The following SLC22A9 variants were observed in gnomAD, a reference collection of about 807,000 sequenced individuals.
The protein encoded by SLC22A9 is organic anion transporter 7.
A neutral mutation model predicts 50.1 loss-of-function variants in SLC22A9; 64 were observed. The observed-to-expected ratio is 1.28, with a 90% CI of 1.04 to 1.57. The LOEUF (loss-of-function observed/expected upper bound fraction) is 1.57. Ranked by LOEUF, SLC22A9 falls within the 40% of genes most tolerant of loss-of-function variation. The pLI is 0.00. For missense variants in SLC22A9, 757 were observed against 676.1 expected (o/e 1.12, Z -1.33); for synonymous variants, 261 against 242.5 (o/e 1.08, Z -0.71).
intron 2 of SLC22A9, among the ~76,000 whole-genome samples, chr11:63,371,904 C>T (rs1199882709): frequency 6.6e-6 from 1 of 152,126 alleles, no homozygotes; most frequent in Non-Finnish European, 1.5e-5. Context: ...ACCATGTCTC[C>T]CCTGATGGCG....
At position 63,382,221 on chromosome 11, in the gene SLC22A9, T is replaced by C. The variant is rs756641350; in HGVS notation, c.1017T>C (p.Cys339=). ...CACAAAAAAAAAAACCTTCTCTGTGTGAAATGCTCCACATGCCCAACATAT... is the reference window on the plus strand; with the variant it reads ...CACAAAAAAAAAAACCTTCTCTGTGCGAAATGCTCCACATGCCCAACATAT... The part of the protein sequence containing the change: ...EAAQKKKPSL[C]EMLHMPNICK... Residue 339 remains cysteine, a synonymous_variant, in exon 6 of 10, where the codon TGT becomes TGC. Transcript: ENST00000279178. 1.2e-6 allele frequency: 2 copies of C among 1,608,644 alleles called. No individual in the cohort carries two copies. The highest frequency in any genetic ancestry group is 1.7e-6 in the Non-Finnish European group (2 of 1,178,460).
intron 6 of SLC22A9, among the ~76,000 whole-genome samples, chr11:63,395,120 C>T (rs889321813): frequency 3.3e-5 from 5 of 151,840 alleles, no homozygotes; most frequent in African/African-American, 1.2e-4. Context: ...CTATCTATTT[C>T]CTTGAATATT....
At chr11:63,371,555 C>T (rs1380195670) in intron 2 of SLC22A9, among the ~76,000 whole-genome samples, 1 of 152,168 alleles carries the variant, frequency 6.6e-6, no homozygotes, top group African/African-American at 2.4e-5. Context: ...CGTTTCATCA[C>T]ATAGGATTCA....
In SLC22A9 at chr11:63,408,154, G is replaced by A. The variant is rs1195752302; in HGVS notation, c.1331G>A (p.Gly444Glu). 4 of 1,613,700 alleles carry A rather than the reference G, an allele frequency of 2.5e-6. No individual in the cohort carries two copies. The Admixed American group carries it at 5.0e-5, about 20-fold the overall frequency. ...GAGGTTTTGGCAACACTGGGCTTAG[G>A]AGCGTCTGCTCTTGCCAATACCCTT... ...LREVLATLGL[G>E]ASALANTLAF... is the part of the protein sequence containing the mutation. Residue 444 changes from glycine (G) to glutamate (E), a missense_variant, in exon 8 of 10, where the codon GGA becomes GAA. Coordinates refer to ENST00000279178, the MANE Select transcript of SLC22A9 (RefSeq NM_080866.3).
chr11:63,386,018 T>C (rs932994246), intron 6 of SLC22A9, among the ~76,000 whole-genome samples: 3 of 152,244 alleles, frequency 2.0e-5, no homozygotes, highest in African/African-American at 7.2e-5. Context: ...TTGAATTTTA[T>C]TGAAGGCCTT....
chr11:63,405,953 G>A lies in SLC22A9; in HGVS notation c.1074-544G>A, dbSNP rs143678905. On this transcript the variant is annotated intron_variant, in intron 6 of 9. Coordinates refer to ENST00000279178, the MANE Select transcript of SLC22A9 (RefSeq NM_080866.3). ...CATCATCGTCTTACCATCATTTTAC[G>A]ATAATTTAAAAATCAACATATTGTG... Among the ~76,000 whole-genome samples, 702 of 152,118 alleles carry A rather than the reference G, an allele frequency of 4.6e-3. 4 individuals are homozygous for A. Among genetic ancestry groups the A allele is most frequent in the African/African-American group, 0.015 (603 of 41,494 alleles).
chr11:63,402,510 A>C (rs945958697), intron 6 of SLC22A9, among the ~76,000 whole-genome samples: 1 of 151,970 alleles, frequency 6.6e-6, no homozygotes, highest in African/African-American at 2.4e-5. Context: ...TGTTTTCATT[A>C]CTGTAGCCTT....
chr11:63,409,668 G>T, intron 9 of SLC22A9, 134 bp from the exon 10 acceptor site: 2 of 832,186 alleles, frequency 2.4e-6, no homozygotes, highest in Non-Finnish European at 1.9e-6. Context: ...TCAATCCCTT[G>T]GGGGCAGAGA....
At chr11:63,398,082 G>T (rs1054964581) in intron 6 of SLC22A9, among the ~76,000 whole-genome samples, 5 of 152,230 alleles carry the variant, frequency 3.3e-5, no homozygotes, top group Non-Finnish European at 7.4e-5. Flanking sequence ...AGGACCCAAG[G>T]TTTTTTAGTC....
intron 1 of SLC22A9, 72 bp downstream of exon 1, chr11:63,370,530 T>G (rs2014336500): frequency 6.7e-7 from 1 of 1,488,578 alleles, no homozygotes; most frequent in African/African-American, 1.4e-5. Context: ...ATAATCATGC[T>G]TCCAGCCTTC....
chr11:63,390,473 A>G (rs2014744463), intron 6 of SLC22A9, among the ~76,000 whole-genome samples: 1 of 152,102 alleles, frequency 6.6e-6, no homozygotes, highest in African/African-American at 2.4e-5. Context: ...TTTGTCAAAG[A>G]TCAGATGGTT....
chr11:63,390,818 C>A (rs1323152044), intron 6 of SLC22A9, among the ~76,000 whole-genome samples: 1 of 151,998 alleles, frequency 6.6e-6, no homozygotes, highest in African/African-American at 2.4e-5. Flanking sequence ...TTCTTCCTAT[C>A]CACACCTGCT....
In SLC22A9 at chr11:63,371,238, GGTGA is replaced by G. The variant is rs757240421; in HGVS notation, c.506+4_506+7del. ...ATCCTAGGCGGTCATTTATCAGACA[GGTGA>G]GTGTGTATGGAACACAGCTCTCTTT... On this transcript the variant is annotated splice_donor_variant and splice_donor_region_variant and intron_variant, in intron 2 of 9. Transcript: ENST00000279178. LOFTEE classifies it high-confidence loss of function. The G allele has an allele frequency of 4.4e-6, 7 of 1,608,662 alleles. No individual in the cohort carries two copies. The highest frequency in any genetic ancestry group is 6.0e-6 in the Non-Finnish European group (7 of 1,175,590).
At chr11:63,380,080 G>T (rs926932725) in intron 5 of SLC22A9, among the ~76,000 whole-genome samples, 2 of 151,908 alleles carry the variant, frequency 1.3e-5, no homozygotes, top group African/African-American at 4.8e-5. Context: ...ACAAGCATAT[G>T]AAAAAAATGC....
chr11:63,392,944 T>A (rs1370843449), intron 6 of SLC22A9, among the ~76,000 whole-genome samples: 1 of 152,178 alleles, frequency 6.6e-6, no homozygotes, highest in Non-Finnish European at 1.5e-5. Flanking sequence ...TTGTTCTTTT[T>A]GCATAGTCTT....
chr11:63,374,161 T>A, intron 4 of SLC22A9, 99 bp downstream of exon 4: 1 of 1,137,508 alleles, frequency 8.8e-7, no homozygotes, highest in Non-Finnish European at 1.2e-6. Flanking sequence ...TGTGTAAACC[T>A]GAGAGCACGT....
chr11:63,396,808 C>A (rs2119978256), intron 6 of SLC22A9, among the ~76,000 whole-genome samples: 1 of 152,200 alleles, frequency 6.6e-6, no homozygotes, highest in South Asian at 2.1e-4. Context: ...CTCAAAAGAG[C>A]CATTCTGAAT....
intron 6 of SLC22A9, among the ~76,000 whole-genome samples, chr11:63,386,552 G>T (rs1394279818): frequency 6.9e-6 from 1 of 144,280 alleles, no homozygotes; most frequent in African/African-American, 2.5e-5. Flanking sequence ...TCAGTCTTAG[G>T]AGGGTGTATG....
intron 6 of SLC22A9, among the ~76,000 whole-genome samples, chr11:63,387,068 C>T (rs2014682571): frequency 6.6e-6 from 1 of 152,010 alleles, no homozygotes; most frequent in Non-Finnish European, 1.5e-5. Flanking sequence ...GCTTTAGCTG[C>T]AACCCACAGA....
Sources: allele counts gnomAD v4.1 joint callset (sites outside exome capture counted in the v4.1 genomes callset), GRCh38; gene constraint gnomAD v4.1.1; transcripts MANE v1.5; gene names NCBI Gene and HGNC (gene_info 2026-07-23, HGNC 2026-07-21).